Variants in OSBPL1A observed in about 807,000 individuals in gnomAD.
OSBPL1A encodes the protein oxysterol binding protein like 1A.
A neutral mutation model predicts 137.1 loss-of-function variants in OSBPL1A; 80 were observed. That is an observed-to-expected ratio of 0.58 (90% CI 0.49 to 0.70). The LOEUF is 0.70. Among genes scored for constraint, OSBPL1A ranks in the 30% least tolerant of loss-of-function variants. OSBPL1A has a pLI of 0.00. For missense variants in OSBPL1A, 970 were observed against 1,129.4 expected (o/e 0.86, Z 2.02); for synonymous variants, 365 against 389.7 (o/e 0.94, Z 0.75).
chr18:24,298,012 C>A (rs1180857882), intron 14 of OSBPL1A, among the ~76,000 whole-genome samples: 1 of 152,074 alleles, frequency 6.6e-6, no homozygotes, highest in Non-Finnish European at 1.5e-5. Flanking sequence ...GAGGTCAGCA[C>A]AAAATACAGG....
chr18:24,222,101 G>A (rs1281280869), intron 17 of OSBPL1A, among the ~76,000 whole-genome samples: 1 of 152,114 alleles, frequency 6.6e-6, no homozygotes, highest in Non-Finnish European at 1.5e-5. Flanking sequence ...TTCCTGATAA[G>A]AACTGTTTTA....
chr18:24,287,238 A>G (rs944109727), intron 14 of OSBPL1A, among the ~76,000 whole-genome samples: 5 of 152,224 alleles, frequency 3.3e-5, no homozygotes, highest in African/African-American at 4.8e-5. Flanking sequence ...GAATTGTCCA[A>G]TGGGTTCCCC....
chr18:24,194,786 T>C (rs1460772629), intron 18 of OSBPL1A, among the ~76,000 whole-genome samples: 2 of 152,200 alleles, frequency 1.3e-5, no homozygotes, highest in African/African-American at 4.8e-5. Context: ...GGAATGCTAC[T>C]CACGTAGGAA....
At chr18:24,353,550 C>G (rs1419279787) in intron 4 of OSBPL1A, among the ~76,000 whole-genome samples, 2 of 151,738 alleles carry the variant, frequency 1.3e-5, no homozygotes, top group African/African-American at 4.8e-5. Context: ...CCATTTGACC[C>G]AGCCATCCCA....
chr18:24,350,224 T>TA, intron 4 of OSBPL1A, among the ~76,000 whole-genome samples: 1 of 152,344 alleles, frequency 6.6e-6, no homozygotes, highest in Non-Finnish European at 1.5e-5. Context: ...GGGCAGTCTG[T>TA]ATATATTCTT....
intron 16 of OSBPL1A, among the ~76,000 whole-genome samples, chr18:24,227,749 G>A (rs1289852440): frequency 2.6e-5 from 4 of 152,014 alleles, no homozygotes; most frequent in African/African-American, 9.7e-5. Context: ...CTTGGGGTGG[G>A]GGTGGTTCCA....
chr18:24,196,031 T>C (rs932800525), intron 18 of OSBPL1A, 94 bp downstream of exon 18: 8 of 963,478 alleles, frequency 8.3e-6, no homozygotes, highest in African/African-American at 1.6e-5. Context: ...AACGTTGTCG[T>C]GCACCACTTT....
intron 15 of OSBPL1A, among the ~76,000 whole-genome samples, chr18:24,260,328 G>T (rs2089412955): frequency 6.6e-6 from 1 of 152,054 alleles, no homozygotes; most frequent in Admixed American, 6.6e-5. Flanking sequence ...ATACCCAAAA[G>T]AATTGAATAC....
At chr18:24,247,526 G>A (rs1013324049) in intron 15 of OSBPL1A, among the ~76,000 whole-genome samples, 7 of 152,156 alleles carry the variant, frequency 4.6e-5, no homozygotes, top group African/African-American at 1.7e-4. Flanking sequence ...AAGGCAGTGT[G>A]ATCTCAGCTC....
chr18:24,307,331 A>G (rs1182597106), intron 13 of OSBPL1A, among the ~76,000 whole-genome samples: 2 of 152,154 alleles, frequency 1.3e-5, no homozygotes, highest in Non-Finnish European at 2.9e-5. Context: ...AAGTCAACCC[A>G]AAAGCACATT....
chr18:24,319,935 A>G (rs983467281), intron 7 of OSBPL1A, among the ~76,000 whole-genome samples: 5 of 151,490 alleles, frequency 3.3e-5, no homozygotes, highest in African/African-American at 1.2e-4. Context: ...GCTTGAGGCC[A>G]GAAGCTTAAG....
At chr18:24,330,804 C>CT (rs374229647) in intron 7 of OSBPL1A, among the ~76,000 whole-genome samples, 1,704 of 142,776 alleles carry the variant, frequency 0.012, 34 homozygotes, top group African/African-American at 0.04. Context: ...GAAACTATTT[C>CT]TTTTTTTTTG....
chr18:24,238,925 C>A (rs1244748394), intron 16 of OSBPL1A, among the ~76,000 whole-genome samples: 1 of 152,170 alleles, frequency 6.6e-6, no homozygotes, highest in East Asian at 1.9e-4. Flanking sequence ...GAAATGGTCA[C>A]CCAGTAAAGG....
chr18:24,396,753 G>A (rs1907770691), intron 1 of OSBPL1A, among the ~76,000 whole-genome samples: 1 of 152,068 alleles, frequency 6.6e-6, no homozygotes, highest in South Asian at 2.1e-4. Flanking sequence ...TTGTATCGGG[G>A]TTAGACTGCA....
chr18:24,264,631 C>T (rs1374949975), intron 15 of OSBPL1A, among the ~76,000 whole-genome samples: 1 of 152,194 alleles, frequency 6.6e-6, no homozygotes, highest in African/African-American at 2.4e-5. Flanking sequence ...GAACCTGGAA[C>T]ACAGGTATTC....
intron 16 of OSBPL1A, among the ~76,000 whole-genome samples, chr18:24,236,945 A>T (rs1029001244): frequency 2.6e-5 from 4 of 152,212 alleles, no homozygotes; most frequent in African/African-American, 7.2e-5. Flanking sequence ...GGAAACTGTG[A>T]CATAATTATA....
rs188497681 is a variant in OSBPL1A, at chr18:24,186,684, T to G, written c.1678-5405A>C. On this transcript the variant is annotated intron_variant, in intron 18 of 27. Transcript: ENST00000319481. ...ACTTTGGGAAGACAAGGTGGGTGGATCACGAGGTCAGGAGTTCGAGACCAG... is the reference window on the plus strand; with the variant it reads ...ACTTTGGGAAGACAAGGTGGGTGGAGCACGAGGTCAGGAGTTCGAGACCAG... Among the ~76,000 whole-genome samples the G allele has an allele frequency of 2.6e-3, 393 of 152,036 alleles. 5 individuals carry two copies. Among genetic ancestry groups the G allele is most frequent in the Admixed American group, 0.019 (294 of 15,266 alleles).
chr18:24,194,106 A>G (rs117661518), intron 18 of OSBPL1A, among the ~76,000 whole-genome samples: 124 of 152,360 alleles, frequency 8.1e-4, no homozygotes, highest in Non-Finnish European at 1.4e-3. Flanking sequence ...AACAGGAGAG[A>G]GCAGGAGAAA....
chr18:24,350,139 G>A (rs549061939), intron 4 of OSBPL1A, among the ~76,000 whole-genome samples: 1 of 152,188 alleles, frequency 6.6e-6, no homozygotes, highest in East Asian at 1.9e-4. Flanking sequence ...CCTTTAGCTA[G>A]TGTGGCCATG....
Sources: gnomAD v4.1 joint callset for allele counts (sites outside exome capture counted in the v4.1 genomes callset) on GRCh38, gnomAD v4.1.1 for gene constraint, MANE v1.5 for transcripts, NCBI Gene and HGNC (gene_info 2026-07-23, HGNC 2026-07-21) for gene names.